Variants in RPS6KA5 observed in about 807,000 individuals in gnomAD.
RPS6KA5 encodes ribosomal protein S6 kinase alpha-5.
Under a neutral mutation model 85.5 loss-of-function variants are expected in RPS6KA5, and 27 were observed. The observed-to-expected ratio is 0.32, with a 90% CI of 0.23 to 0.44. The LOEUF is 0.44. Among genes scored for constraint, RPS6KA5 ranks in the 20% least tolerant of loss-of-function variants. The pLI, the probability that RPS6KA5 is intolerant of heterozygous loss-of-function variation, is 1.00. For synonymous variants in RPS6KA5, 334 were observed against 348.2 expected (o/e 0.96, Z 0.46); for missense variants, 811 against 980.9 (o/e 0.83, Z 2.31).
chr14:90,960,832 T>C (rs1187641590), intron 3 of RPS6KA5, among the ~76,000 whole-genome samples: 1 of 152,254 alleles, frequency 6.6e-6, no homozygotes, highest in Admixed American at 6.5e-5. Flanking sequence ...CAATATTGTT[T>C]TTCTTCCCTT....
At chr14:90,926,696 T>TAC (rs1555363487) in intron 5 of RPS6KA5, among the ~76,000 whole-genome samples, 1 of 151,198 alleles carries the variant, frequency 6.6e-6, no homozygotes, top group African/African-American at 2.4e-5. Context: ...TGTGTGTGTG[T>TAC]ACATATCTCA....
chr14:90,978,607 G>T, intron 2 of RPS6KA5, 83 bp from the exon 3 acceptor site: 1 of 1,040,544 alleles, frequency 9.6e-7, no homozygotes, highest in Non-Finnish European at 1.4e-6. Context: ...TTTATTTAAT[G>T]CACAAAAAAT....
intron 1 of RPS6KA5, among the ~76,000 whole-genome samples, chr14:91,047,278 A>G (rs1404614444): frequency 6.6e-6 from 1 of 152,224 alleles, no homozygotes; most frequent in Admixed American, 6.5e-5. Flanking sequence ...ATAAGACTCA[A>G]TATGCATGCC....
At chr14:90,961,320 T>A (rs2038784732) in intron 3 of RPS6KA5, among the ~76,000 whole-genome samples, 1 of 152,182 alleles carries the variant, frequency 6.6e-6, no homozygotes, top group Admixed American at 6.5e-5. Context: ...GAGTTGTACA[T>A]CTTATGAAGG....
intron 7 of RPS6KA5, among the ~76,000 whole-genome samples, chr14:90,909,059 A>G (rs2035662096): frequency 6.6e-6 from 1 of 152,236 alleles, no homozygotes; most frequent in Non-Finnish European, 1.5e-5. Flanking sequence ...AAAGCTAAAT[A>G]AAACTGGTGC....
intron 14 of RPS6KA5, among the ~76,000 whole-genome samples, chr14:90,877,047 T>C (rs952446128): frequency 9.9e-5 from 15 of 151,584 alleles, no homozygotes; most frequent in South Asian, 8.3e-4. Flanking sequence ...AAACAAAACA[T>C]GAGTAAGAAG....
chr14:91,001,002 A>T (rs1221243380), intron 2 of RPS6KA5, 86 bp downstream of exon 2: 4 of 722,054 alleles, frequency 5.5e-6, no homozygotes, highest in Non-Finnish European at 9.3e-6. Flanking sequence ...TTAAATTTTA[A>T]TTTCTGTATT....
intron 2 of RPS6KA5, among the ~76,000 whole-genome samples, chr14:90,979,032 G>C (rs190119166): frequency 2.6e-5 from 4 of 152,220 alleles, no homozygotes; most frequent in African/African-American, 9.6e-5. Context: ...ATGAACAAAA[G>C]AGATCTTCAG....
chr14:90,962,569 G>A lies in RPS6KA5; in HGVS notation c.395-15019C>T, dbSNP rs897878446. ...CCCAAAGTGCTGGGATTGCAGGAGT[G>A]AGCCACCATGCCCGGCCTAGATTTT... On this transcript the variant is annotated intron_variant, in intron 3 of 16. Coordinates refer to ENST00000614987, the MANE Select transcript of RPS6KA5 (RefSeq NM_004755.4). Among the ~76,000 whole-genome samples the A allele has an allele frequency of 2.8e-4, 43 of 151,482 alleles. 1 individual carries two copies. Among genetic ancestry groups the A allele is most frequent in the African/African-American group, 9.2e-4 (38 of 41,270 alleles).
In RPS6KA5 at chr14:90,859,491, C is replaced by G. The variant is rs185147110; in HGVS notation, c.*12583G>C. ...TATAGAGGAAAAGACAAGATATGAT[C>G]AGAGACTTGGCACCTACAAAAAAGT... On this transcript the variant is annotated 3_prime_UTR_variant, in exon 17 of 17. Transcript: ENST00000614987. 1 of 152,244 alleles carries G rather than the reference C, an allele frequency of 6.6e-6. No homozygotes were observed. The highest frequency in any genetic ancestry group is 1.9e-4 in the East Asian group (1 of 5,180). The allele number at this position is 152,244 out of a possible 1,614,324, so 9.4% of individuals were successfully genotyped here.
chr14:90,950,309 C>G (rs1261687009), intron 3 of RPS6KA5, among the ~76,000 whole-genome samples: 2 of 152,034 alleles, frequency 1.3e-5, no homozygotes, highest in Admixed American at 6.6e-5. Context: ...TATATTAGTT[C>G]GAGTAGTTTC....
chr14:90,872,337 A>G lies in RPS6KA5; in HGVS notation c.2161-15T>C. 4.4e-6 allele frequency: 7 copies of G among 1,597,196 alleles called. No homozygotes were observed. Among genetic ancestry groups the G allele is most frequent in the Non-Finnish European group, 6.0e-6 (7 of 1,174,204 alleles). ...TTGTTAAAGGCCTGGCGGGGGAAAAAAAGGGAACCCCTGTGAAGGTAAAAG... is the reference window on the plus strand; with the variant it reads ...TTGTTAAAGGCCTGGCGGGGGAAAAGAAGGGAACCCCTGTGAAGGTAAAAG... On this transcript the variant is annotated splice_polypyrimidine_tract_variant and intron_variant, in intron 16 of 16. Coordinates refer to ENST00000614987, the MANE Select transcript of RPS6KA5 (RefSeq NM_004755.4).
Position 90,847,921 on chromosome 14 carries a change from C to A in RPS6KA5, c.*24153G>T, listed in dbSNP as rs2031798193. The A allele has an allele frequency of 6.6e-6, 1 of 152,236 alleles. No homozygotes were observed. Among genetic ancestry groups the A allele is most frequent in the Admixed American group, 6.5e-5 (1 of 15,286 alleles). The allele number at this position is 152,236 out of a possible 1,614,324, so 9.4% of individuals were successfully genotyped here. ...GCTTGAACAAATACATCTTTACACA[C>A]ACACAAGTTGGTAAAAAGTAAGCCC... On this transcript the variant is annotated 3_prime_UTR_variant, in exon 17 of 17. Transcript: ENST00000614987.
At chr14:91,034,980 G>A (rs778799552) in intron 1 of RPS6KA5, among the ~76,000 whole-genome samples, 5 of 152,030 alleles carry the variant, frequency 3.3e-5, no homozygotes, top group Non-Finnish European at 7.4e-5. Flanking sequence ...GGGGGGAGGG[G>A]AGACAAATAT....
At chr14:91,055,544 C>A (rs1284130371) in intron 1 of RPS6KA5, among the ~76,000 whole-genome samples, 3 of 152,106 alleles carry the variant, frequency 2.0e-5, no homozygotes, top group Admixed American at 2.0e-4. Flanking sequence ...CTTTGGGAGG[C>A]CCAGGTGGGA....
At chr14:90,961,460 C>T (rs573771575) in intron 3 of RPS6KA5, among the ~76,000 whole-genome samples, 2 of 152,254 alleles carry the variant, frequency 1.3e-5, no homozygotes, top group South Asian at 4.1e-4. Flanking sequence ...ATCAGGCAGT[C>T]GGACTTGATA....
chr14:91,055,788 A>T (rs971565348), intron 1 of RPS6KA5, among the ~76,000 whole-genome samples: 1 of 152,078 alleles, frequency 6.6e-6, no homozygotes, highest in Non-Finnish European at 1.5e-5. Flanking sequence ...CAAAACAACA[A>T]CAAAAGACAT....
chr14:90,964,906 C>A (rs1241424070), intron 3 of RPS6KA5, among the ~76,000 whole-genome samples: 1 of 136,126 alleles, frequency 7.3e-6, no homozygotes, highest in African/African-American at 2.8e-5. Context: ...GAGAGTGAGA[C>A]CCTGTCTCAA....
chr14:90,915,407 C>T (rs76485360), intron 7 of RPS6KA5, among the ~76,000 whole-genome samples: 5,016 of 152,262 alleles, frequency 0.033, 279 homozygotes, highest in African/African-American at 0.12. Context: ...ACTGCCTTTC[C>T]AGCTCACAGG....
Sources: allele counts gnomAD v4.1 joint callset (sites outside exome capture counted in the v4.1 genomes callset), GRCh38; gene constraint gnomAD v4.1.1; transcripts MANE v1.5; gene names NCBI Gene and HGNC (gene_info 2026-07-23, HGNC 2026-07-21).